The following DSG1 variants were observed in gnomAD, a reference collection of about 807,000 sequenced individuals.
DSG1 encodes the protein desmoglein-1.
Under a neutral mutation model 97.5 loss-of-function variants are expected in DSG1, and 39 were observed. The ratio of observed to expected loss-of-function variants is 0.40; its 90% confidence interval spans 0.31 to 0.52. The LOEUF (loss-of-function observed/expected upper bound fraction) is 0.52. Among genes scored for constraint, DSG1 ranks in the 20% least tolerant of loss-of-function variants. DSG1 has a pLI of 0.53. For missense variants in DSG1, 1,311 were observed against 1,295.4 expected (o/e 1.01, Z -0.18); for synonymous variants, 475 against 443.4 (o/e 1.07, Z -0.90).
chr18:31,343,270 C>T lies in DSG1; in HGVS notation c.1688-180C>T, dbSNP rs532925239. On this transcript the variant is annotated intron_variant, in intron 11 of 14. Coordinates refer to ENST00000257192, the MANE Select transcript of DSG1 (RefSeq NM_001942.4). Reference sequence around the variant, plus strand: ...CTAAAATTGACTGCAGTCTAATATACAGAAGCTCCCATTTACTTTGGGGTC... The same window carrying T: ...CTAAAATTGACTGCAGTCTAATATATAGAAGCTCCCATTTACTTTGGGGTC... 6.9e-5 allele frequency: 56 copies of T among 814,030 alleles called. 1 individual carries two copies. The African/African-American group carries it at 8.5e-4, about 12-fold the overall frequency. The allele number at this position is 814,030 out of a possible 1,614,324, so 50.4% of individuals were successfully genotyped here. A position where few individuals can be genotyped will look rare whatever the true frequency, so the allele number is the denominator to read the frequency against.
rs12967407 is a variant in DSG1, at chr18:31,333,636, C to A, written c.732C>A (p.Gly244=). The change falls in exon 7 of 15, where the codon GGC becomes GGA. Residue 244 remains glycine (G), a synonymous_variant. Coordinates refer to ENST00000257192, the MANE Select transcript of DSG1 (RefSeq NM_001942.4). ...ALAVRGSDRD[G]GADGMSAECE... ...CTGTAAGAGGCTCTGACCGAGATGG[C>A]GGGGCAGATGGCATGTCAGCGGAAT... The A allele has an allele frequency of 7.4e-6, 12 of 1,613,428 alleles. No homozygotes were observed. Among genetic ancestry groups the A allele is most frequent in the Non-Finnish European group, 1.0e-5 (12 of 1,179,750 alleles).
chr18:31,325,194 C>T (rs11663622), intron 1 of DSG1, among the ~76,000 whole-genome samples: 62,606 of 151,774 alleles, frequency 0.41, 14,121 homozygotes, highest in Non-Finnish European at 0.5. Flanking sequence ...AGTTGAGAGT[C>T]TGACTGTATG....
rs188111427 is a variant in DSG1 at position 31,322,489 on chromosome 18, T to C, written c.49-4092T>C. Among the ~76,000 whole-genome samples, 479 of 152,316 alleles carry C rather than the reference T, an allele frequency of 3.1e-3. 2 individuals carry two copies. Among genetic ancestry groups the C allele is most frequent in the Non-Finnish European group, 5.1e-3 (348 of 68,016 alleles). ...TTAAAAGTCTTAATCTAGTGTTGGA[T>C]CCACATAATACACATTCAGTATGTA... On this transcript the variant is annotated intron_variant, in intron 1 of 14. Coordinates refer to ENST00000257192, the MANE Select transcript of DSG1 (RefSeq NM_001942.4).
At chr18:31,347,899 A>G (rs950611069) in intron 14 of DSG1, 1 of 151,480 alleles carries the variant, frequency 6.6e-6, no homozygotes, top group African/African-American at 2.5e-5. Context: ...AAAACAACAC[A>G]TTTTTATGTC....
At chr18:31,339,450 T>G (rs2071774671) in intron 10 of DSG1, among the ~76,000 whole-genome samples, 1 of 152,078 alleles carries the variant, frequency 6.6e-6, no homozygotes, top group South Asian at 2.1e-4. Flanking sequence ...GTTTTGCTTC[T>G]TTCTGTAATT....
At position 31,339,965 on chromosome 18, in the gene DSG1, A is replaced by T; in HGVS notation, c.1627A>T (p.Asn543Tyr). The T allele has an allele frequency of 6.2e-7, 1 of 1,614,088 alleles. No individual in the cohort carries two copies. Among genetic ancestry groups the T allele is most frequent in the Non-Finnish European group, 8.5e-7 (1 of 1,179,976 alleles). ...GNGAKDLLSD[N>Y]VHFGPAGIGL... ...CGGAGCCAAAGATTTGTTATCAGAC[A>T]ATGTACATTTTGGTCCTGCTGGCAT... Residue 543 changes from asparagine to tyrosine, a missense_variant, in exon 11 of 15, where the codon AAT (asparagine) becomes TAT (tyrosine). Coordinates refer to ENST00000257192, the MANE Select transcript of DSG1 (RefSeq NM_001942.4).
chr18:31,323,081 G>T (rs1757676876), intron 1 of DSG1, among the ~76,000 whole-genome samples: 1 of 152,138 alleles, frequency 6.6e-6, no homozygotes, highest in Non-Finnish European at 1.5e-5. Context: ...GGGACTTTTA[G>T]TCTCATATAC....
At chr18:31,332,052 T>C (rs2071724698) in intron 6 of DSG1, among the ~76,000 whole-genome samples, 185 bp downstream of exon 6, 1 of 152,142 alleles carries the variant, frequency 6.6e-6, no homozygotes, top group Non-Finnish European at 1.5e-5. Context: ...TCAATTACGT[T>C]TTGTACTATT....
intron 3 of DSG1, among the ~76,000 whole-genome samples, chr18:31,327,271 G>T (rs2071691666): frequency 6.6e-6 from 1 of 152,068 alleles, no homozygotes; most frequent in Non-Finnish European, 1.5e-5. Flanking sequence ...GATGAAAAAA[G>T]ATCATTATTT....
In DSG1 at chr18:31,346,087, A is replaced by G. The variant is rs1420144632; in HGVS notation, c.1989A>G (p.Ser663=). 6.2e-7 allele frequency: 1 copy of G among 1,613,884 alleles called. No homozygotes were observed. The highest frequency in any genetic ancestry group is 8.5e-7 in the Non-Finnish European group (1 of 1,179,750). The change falls in exon 14 of 15, where the codon TCA becomes TCG. Residue 663 remains serine (S), a synonymous_variant. Transcript: ENST00000257192. ...AACTAACAGAGGGAGTTAAAACTTCAGGAATGCCTGAGATATGTCAAGAAT... is the reference window on the plus strand; with the variant it reads ...AACTAACAGAGGGAGTTAAAACTTCGGGAATGCCTGAGATATGTCAAGAAT... ...GFELTEGVKT[S]GMPEICQEYS...
At chr18:31,333,060 G>A (rs59844732) in intron 6 of DSG1, among the ~76,000 whole-genome samples, 8,519 of 152,140 alleles carry the variant, frequency 0.056, 293 homozygotes, top group African/African-American at 0.094. Flanking sequence ...GAATGAGTGT[G>A]CATTTTTGCA....
At chr18:31,345,951 G>T in intron 13 of DSG1, 39 bp from the exon 14 acceptor site, 1 of 1,543,412 alleles carries the variant, frequency 6.5e-7, no homozygotes, top group Non-Finnish European at 8.9e-7. Context: ...GTTTATGATA[G>T]ACTAAAGAAA....
chr18:31,350,950 T>G lies in DSG1; in HGVS notation c.2101-3347T>G, dbSNP rs1029632106. Among the ~76,000 whole-genome samples, 4 of 150,562 alleles carry G rather than the reference T, an allele frequency of 2.7e-5. 1 individual carries two copies. The highest frequency in any genetic ancestry group is 2.0e-4 in the Admixed American group (3 of 15,230). ...GGATTCATTAATTTTTTGAAGGGTT[T>G]TTTGTGTCTCTATTTCCTTCAGTTC... On this transcript the variant is annotated intron_variant, in intron 14 of 14. Transcript: ENST00000257192.
Position 31,337,253 on chromosome 18 carries a change from GTTTGTTGT to G in DSG1, c.1265+643_1265+650del, listed in dbSNP as rs368058815. On this transcript the variant is annotated intron_variant, in intron 9 of 14. Transcript: ENST00000257192. ...TTGTTTGGGGGTTTTTTGTTTGTTT[GTTTGTTGT>G]TTGTTTGTTTTTTGAGACAGAGTTT... Among the ~76,000 whole-genome samples, 1,175 of 151,978 alleles carry G rather than the reference GTTTGTTGT, an allele frequency of 7.7e-3. 16 individuals are homozygous for G. The highest frequency in any genetic ancestry group is 0.027 in the African/African-American group (1,101 of 41,438).
At chr18:31,336,869 C>T (rs988432077) in intron 9 of DSG1, among the ~76,000 whole-genome samples, 1 of 152,078 alleles carries the variant, frequency 6.6e-6, no homozygotes, top group African/African-American at 2.4e-5. Flanking sequence ...ATCGACACTC[C>T]TGTATTTCTA....
intron 11 of DSG1, 114 bp downstream of exon 11, chr18:31,340,139 T>A: frequency 3.3e-6 from 4 of 1,205,212 alleles, no homozygotes; most frequent in Non-Finnish European, 4.7e-6. Context: ...TTTGTGCAAT[T>A]ATAAAGAAAC....
intron 10 of DSG1, 94 bp downstream of exon 10, chr18:31,338,548 C>T: frequency 7.1e-6 from 10 of 1,405,656 alleles, no homozygotes; most frequent in Non-Finnish European, 9.9e-6. Context: ...GAAGTAACCC[C>T]TTTCCAACAA....
At chr18:31,328,516 A>C (rs2071700649) in intron 4 of DSG1, among the ~76,000 whole-genome samples, 172 bp downstream of exon 4, 1 of 152,192 alleles carries the variant, frequency 6.6e-6, no homozygotes, top group East Asian at 1.9e-4. Flanking sequence ...TTAAGAGAGA[A>C]GGAAATGTTT....
At chr18:31,345,649 CTG>C (rs2071826747) in intron 13 of DSG1, among the ~76,000 whole-genome samples, 1 of 150,324 alleles carries the variant, frequency 6.7e-6, no homozygotes, top group Non-Finnish European at 1.5e-5. Flanking sequence ...TAGTTATACA[CTG>C]TTTTTTTAAC....
Sources: gnomAD v4.1 joint callset for allele counts (sites outside exome capture counted in the v4.1 genomes callset) on GRCh38, gnomAD v4.1.1 for gene constraint, MANE v1.5 for transcripts, NCBI Gene and HGNC (gene_info 2026-07-23, HGNC 2026-07-21) for gene names.